The following PVRIG variants were observed in gnomAD, a reference collection of about 807,000 sequenced individuals.
PVRIG encodes the protein transmembrane protein PVRIG.
A neutral mutation model predicts 21.9 loss-of-function variants in PVRIG; 16 were observed. That is an observed-to-expected ratio of 0.73 (90% CI 0.50 to 1.11). The LOEUF (loss-of-function observed/expected upper bound fraction) is 1.11. PVRIG is among the 50% of genes most tolerant of loss of function. PVRIG has a pLI of 0.00. For missense variants in PVRIG, 435 were observed against 445.7 expected (o/e 0.98, Z 0.22); for synonymous variants, 190 against 181.0 (o/e 1.05, Z -0.40).
chr7:100,220,571 C>T (rs1467692423), exon 4 of PVRIG: 11 of 1,611,908 alleles, frequency 6.8e-6, no homozygotes, highest in African/African-American at 1.3e-5. Flanking sequence ...CCGACTCCTG[C>T]CCCCATTCTG....
Position 100,220,754 on chromosome 7 carries a change from T to C in PVRIG, c.597-6T>C, listed in dbSNP as rs1194009279. 6.2e-7 allele frequency: 1 copy of C among 1,605,996 alleles called. No individual in the cohort carries two copies. The highest frequency in any genetic ancestry group is 1.3e-5 in the African/African-American group (1 of 74,794). On this transcript the variant is annotated splice_polypyrimidine_tract_variant and splice_region_variant and intron_variant, in intron 4 of 5. Transcript: ENST00000317271. Reference sequence around the variant, plus strand: ...CAGAGCTCTGACCATCCTTGCTCTCTCCCAGCCCTGCCCCTAGGCTCCAGC... The same window carrying C: ...CAGAGCTCTGACCATCCTTGCTCTCCCCCAGCCCTGCCCCTAGGCTCCAGC...
In PVRIG at chr7:100,220,673, G is replaced by A. The variant is rs376203951; in HGVS notation, c.596G>A (p.Arg199His). 243 of 1,610,600 alleles carry A rather than the reference G, an allele frequency of 1.5e-4. 2 individuals carry two copies. In the East Asian group the frequency reaches 1.6e-3, roughly 11 times the overall value. The change falls in exon 4 of 6, where the codon CGC becomes CAC. Residue 199 changes from arginine (R) to histidine (H), a missense_variant and splice_region_variant. Arg to His is a conservative substitution (Grantham distance 29, BLOSUM62 0). Transcript: ENST00000317271. ...CATCTGCTGCGCCGACATAAGCACCGGTGAGACCTGGTCCCTGTCCACGTC... is the reference window on the plus strand; with the variant it reads ...CATCTGCTGCGCCGACATAAGCACCAGTGAGACCTGGTCCCTGTCCACGTC...
At chr7:100,219,618 C>T in intron 1 of PVRIG, 2 of 514,802 alleles carry the variant, frequency 3.9e-6, no homozygotes, top group South Asian at 2.2e-5. Flanking sequence ...GGGACAGAGC[C>T]CTTTCTTAGG....
chr7:100,221,328 T>TTATTGGAGGC, exon 6 of PVRIG: 1 of 1,211,850 alleles, frequency 8.3e-7, no homozygotes, highest in Non-Finnish European at 1.1e-6. Flanking sequence ...TTCTTGGGCC[T>TTATTGGAGGC]CCAATAAGTG....
At chr7:100,220,436 T>C (rs770030015) in exon 3 of PVRIG, 1 of 1,608,330 alleles carries the variant, frequency 6.2e-7, no homozygotes, top group South Asian at 1.1e-5. Flanking sequence ...GGGAGGCCTG[T>C]GGGAGCCTCC....
chr7:100,220,712 G>T lies in PVRIG; in HGVS notation c.596+39G>T, dbSNP rs751804860. The T allele has an allele frequency of 2.5e-6, 4 of 1,608,440 alleles. No individual in the cohort carries two copies. The East Asian group carries it at 8.9e-5, about 36-fold the overall frequency. ...CCTGTCCACGTCCCCCTGACACTGGGATGGCCACATGCCCTGCAGAGCTCT... is the reference window on the plus strand; with the variant it reads ...CCTGTCCACGTCCCCCTGACACTGGTATGGCCACATGCCCTGCAGAGCTCT... On this transcript the variant is annotated intron_variant, in intron 4 of 5. Coordinates refer to ENST00000317271, the Ensembl canonical transcript of PVRIG.
rs764338296 is a variant in PVRIG at position 100,220,140 on chromosome 7, C to T, written c.145C>T (p.Arg49Trp). 2.5e-5 allele frequency: 40 copies of T among 1,598,420 alleles called. No homozygotes were observed. In the Middle Eastern group the frequency reaches 5.2e-4, roughly 21 times the overall value. ...GACCCCGGAGGTGTGGGTTCAAGTTCGGATGGAGGCCACCGAGCTCTCGTC... is the reference window on the plus strand; with the variant it reads ...GACCCCGGAGGTGTGGGTTCAAGTTTGGATGGAGGCCACCGAGCTCTCGTC... The change falls in exon 3 of 6, where the codon CGG becomes TGG. Residue 49 changes from arginine to tryptophan, a missense_variant. Physicochemically the swap from Arg to Trp is moderately radical, Grantham distance 101 (BLOSUM62 -3). Transcript: ENST00000317271.
At chr7:100,221,379 GTC>G (rs112114959) in exon 6 of PVRIG, 11 of 652,460 alleles carry the variant, frequency 1.7e-5, no homozygotes, top group African/African-American at 7.2e-5. Flanking sequence ...TGCGGATGTG[GTC>G]TCTGTGTGTG....
chr7:100,221,032 G>A (rs774517417), exon 6 of PVRIG: 17 of 1,612,888 alleles, frequency 1.1e-5, no homozygotes, highest in East Asian at 4.5e-5. Flanking sequence ...ATGGGGGGCC[G>A]TCCTGGTGGG....
rs1803086172 is a variant in PVRIG at position 100,219,821 on chromosome 7, A to G, written c.-90A>G. 22 of 1,013,036 alleles carry G rather than the reference A, an allele frequency of 2.2e-5. No individual in the cohort carries two copies. The South Asian group carries it at 3.0e-4, about 14-fold the overall frequency. The allele number at this position is 1,013,036 out of a possible 1,614,324, so 62.8% of individuals were successfully genotyped here. A position where few individuals can be genotyped will look rare whatever the true frequency, so the allele number is the denominator to read the frequency against. On this transcript the variant is annotated 5_prime_UTR_variant, in exon 2 of 6. Transcript: ENST00000317271. The stretch of plus-strand genomic sequence containing the variant: ...TCACTGTCACTTTAAGAAGGGAATC[A>G]GCCACTTTGTGCTCACCACCTCTGG...
chr7:100,220,892 T>C (rs1335027058), intron 5 of PVRIG, 36 bp from the exon 5 acceptor site: 1 of 1,586,364 alleles, frequency 6.3e-7, no homozygotes, highest in Non-Finnish European at 8.6e-7. Context: ...GGGCCCAAGC[T>C]GTGCAGACTC....
Position 100,220,647 on chromosome 7 carries a change from T to C in PVRIG, c.570T>C (p.Leu190=), listed in dbSNP as rs780283179. 13 of 1,611,408 alleles carry C rather than the reference T, an allele frequency of 8.1e-6. No homozygotes were observed. In the East Asian group the frequency reaches 2.9e-4, roughly 36 times the overall value. Reference sequence around the variant, plus strand: ...TCCTCTTTGGCTGTGTCTACCTCCTTCATCTGCTGCGCCGACATAAGCACC... The same window carrying C: ...TCCTCTTTGGCTGTGTCTACCTCCTCCATCTGCTGCGCCGACATAAGCACC... The change falls in exon 4 of 6, where the codon CTT becomes CTC. Residue 190 remains leucine, a synonymous_variant. Transcript: ENST00000317271.
rs772785115 is a variant in PVRIG at position 100,220,614 on chromosome 7, A to G, written c.537A>G (p.Ser179=). Reference sequence around the variant, plus strand: ...ACCTGGCCGGGATCTTGGGGGTCTCAGGAGTCCTCCTCTTTGGCTGTGTCT... The same window carrying G: ...ACCTGGCCGGGATCTTGGGGGTCTCGGGAGTCCTCCTCTTTGGCTGTGTCT... The change falls in exon 4 of 6, where the codon TCA becomes TCG. Residue 179 remains serine (S), a synonymous_variant. Coordinates refer to ENST00000317271, the Ensembl canonical transcript of PVRIG. 3.1e-6 allele frequency: 5 copies of G among 1,611,744 alleles called. No homozygotes were observed. The South Asian group carries it at 3.3e-5, about 11-fold the overall frequency.
exon 6 of PVRIG, chr7:100,221,136 A>T (rs890902228): frequency 3.7e-6 from 6 of 1,613,792 alleles, no homozygotes; most frequent in Non-Finnish European, 4.2e-6. Flanking sequence ...GTCTCTGTTG[A>T]GAATGGACTC....
At chr7:100,219,751 C>T (rs1018448093) in exon 2 of PVRIG, 5 of 682,578 alleles carry the variant, frequency 7.3e-6, no homozygotes, top group African/African-American at 1.8e-5. Context: ...CTGTGCCGCC[C>T]TGCCTTGTTA....
exon 6 of PVRIG, chr7:100,221,350 T>G (rs1424678128): frequency 2.0e-6 from 2 of 1,007,682 alleles, no homozygotes; most frequent in Non-Finnish European, 2.8e-6. Flanking sequence ...CCCATAGGTG[T>G]CTGGCCAGGC....
chr7:100,221,095 C>G (rs763676050), exon 6 of PVRIG: 1 of 1,614,058 alleles, frequency 6.2e-7, no homozygotes. Context: ...CCGCCTGGGC[C>G]TCCACACCCA....
intron 1 of PVRIG, chr7:100,219,662 G>C (rs896799585): frequency 1.7e-6 from 1 of 580,280 alleles, no homozygotes; most frequent in Non-Finnish European, 3.1e-6. Context: ...CAGGGAAGGG[G>C]AGTCCTTCTA....
At chr7:100,220,547 G>C in exon 4 of PVRIG, 1 of 1,611,774 alleles carries the variant, frequency 6.2e-7, no homozygotes, top group South Asian at 1.1e-5. Context: ...CCGTGCCCAG[G>C]GCTCTCTGCC....
Sources: allele counts gnomAD v4.1 joint callset, GRCh38; gene constraint gnomAD v4.1.1; transcripts MANE v1.5; gene names NCBI Gene and HGNC (gene_info 2026-07-23, HGNC 2026-07-21).